Variants in HCN1 observed in about 807,000 individuals in gnomAD.
The protein encoded by HCN1 is hyperpolarization activated cyclic nucleotide gated potassium channel 1.
In HCN1, 13 loss-of-function variants were observed where a neutral mutation model predicts 78.9. The ratio of observed to expected loss-of-function variants is 0.16; its 90% CI spans 0.11 to 0.26. The LOEUF (loss-of-function observed/expected upper bound fraction) is 0.26, where lower values mean the gene tolerates loss of function less well. HCN1 is among the 10% of genes least tolerant of loss of function. The probability of loss-of-function intolerance (pLI) is 1.00; values close to 1 mark genes in which losing one functional copy is unlikely to be tolerated. For missense variants in HCN1, 810 were observed against 1,154.3 expected (o/e 0.70, Z 4.32); for synonymous variants, 552 against 455.5 (o/e 1.21, Z -2.70).
intron 4 of HCN1, among the ~76,000 whole-genome samples, chr5:45,355,679 G>A (rs1206459071): frequency 6.6e-6 from 1 of 151,906 alleles, no homozygotes; most frequent in Non-Finnish European, 1.5e-5. Context: ...CACTAAGGGA[G>A]GATGTGTCAA....
At chr5:45,492,392 A>AATATATAC (rs1554028354) in intron 2 of HCN1, among the ~76,000 whole-genome samples, 1 of 121,394 alleles carries the variant, frequency 8.2e-6, no homozygotes, top group African/African-American at 3.2e-5. Flanking sequence ...TCTTTAAATG[A>AATATATAC]ATATATATAT....
At chr5:45,586,190 G>A (rs2111934128) in intron 2 of HCN1, among the ~76,000 whole-genome samples, 1 of 152,266 alleles carries the variant, frequency 6.6e-6, no homozygotes. Context: ...GAGCTTCCTG[G>A]CCACTTTGTT....
intron 2 of HCN1, among the ~76,000 whole-genome samples, chr5:45,591,610 A>G (rs78800224): frequency 0.077 from 11,705 of 152,228 alleles, 592 homozygotes; most frequent in Middle Eastern, 0.15. Context: ...CCATTTTTAA[A>G]ATCAGATTAA....
intron 2 of HCN1, among the ~76,000 whole-genome samples, chr5:45,614,887 A>C (rs1744911725): frequency 6.6e-6 from 1 of 151,996 alleles, no homozygotes; most frequent in South Asian, 2.1e-4. Flanking sequence ...TTGAAATTCA[A>C]ATTTGGAAAT....
chr5:45,310,616 A>G (rs898136790), intron 5 of HCN1, among the ~76,000 whole-genome samples: 2 of 152,176 alleles, frequency 1.3e-5, no homozygotes, highest in Non-Finnish European at 2.9e-5. Context: ...GTGATTCCTT[A>G]AAGACCTAGA....
intron 2 of HCN1, among the ~76,000 whole-genome samples, chr5:45,574,429 C>A (rs1325533708): frequency 6.6e-6 from 1 of 152,068 alleles, no homozygotes; most frequent in African/African-American, 2.4e-5. Flanking sequence ...TGTAAGATGA[C>A]AAACTTCATC....
At chr5:45,656,723 A>G (rs1487839763) in intron 1 of HCN1, among the ~76,000 whole-genome samples, 1 of 152,204 alleles carries the variant, frequency 6.6e-6, no homozygotes, top group African/African-American at 2.4e-5. Flanking sequence ...ACAGCCAAGA[A>G]TGTGATCAAA....
intron 2 of HCN1, among the ~76,000 whole-genome samples, chr5:45,479,124 TAAAAAAA>T (rs1160851737): frequency 2.2e-5 from 3 of 137,120 alleles, no homozygotes; most frequent in African/African-American, 8.0e-5. Flanking sequence ...GAGACTGTTT[TAAAAAAA>T]AAAAAAAAAG....
intron 2 of HCN1, among the ~76,000 whole-genome samples, chr5:45,520,191 T>C (rs1421401225): frequency 6.6e-6 from 1 of 152,038 alleles, no homozygotes; most frequent in African/African-American, 2.4e-5. Context: ...GAGTAATCTT[T>C]ATTGAACATT....
At chr5:45,627,927 T>C (rs1386600446) in intron 2 of HCN1, among the ~76,000 whole-genome samples, 1 of 152,162 alleles carries the variant, frequency 6.6e-6, no homozygotes, top group African/African-American at 2.4e-5. Flanking sequence ...ACAACCAAAG[T>C]GTCAACAATA....
At chr5:45,298,957 G>A (rs1407133746) in intron 6 of HCN1, among the ~76,000 whole-genome samples, 2 of 151,950 alleles carry the variant, frequency 1.3e-5, no homozygotes, top group Non-Finnish European at 2.9e-5. Flanking sequence ...TTTAAGTCTC[G>A]TTTTTCTTCC....
intron 2 of HCN1, among the ~76,000 whole-genome samples, chr5:45,516,646 A>T (rs931820338): frequency 5.3e-5 from 8 of 151,944 alleles, no homozygotes; most frequent in African/African-American, 1.9e-4. Flanking sequence ...TGTCAACTCC[A>T]GGATTAACTG....
chr5:45,326,799 T>A (rs1297580981), intron 5 of HCN1, among the ~76,000 whole-genome samples: 1 of 151,620 alleles, frequency 6.6e-6, no homozygotes, highest in Non-Finnish European at 1.5e-5. Flanking sequence ...ACATAGAAAC[T>A]TTACAATACA....
At chr5:45,348,834 A>G (rs1746813573) in intron 5 of HCN1, among the ~76,000 whole-genome samples, 1 of 152,218 alleles carries the variant, frequency 6.6e-6, no homozygotes, top group Non-Finnish European at 1.5e-5. Context: ...TATCCTAAAT[A>G]TATATGCATC....
chr5:45,460,287 G>A (rs929569300), intron 3 of HCN1, among the ~76,000 whole-genome samples: 2 of 152,092 alleles, frequency 1.3e-5, no homozygotes, highest in African/African-American at 4.8e-5. Context: ...TCCACCTTCT[G>A]CCATGTGAGG....
rs964918214 is a variant in HCN1 at position 45,260,908 on chromosome 5, G to C, written c.*1013C>G. On this transcript the variant is annotated 3_prime_UTR_variant, in exon 8 of 8. Coordinates refer to ENST00000303230, the MANE Select transcript of HCN1 (RefSeq NM_021072.4). ...TGAACCTATTTTTTTTTCCCCAGAA[G>C]CATGCAGGGACTATTTTCAGATGCT... is the stretch of plus-strand genomic sequence containing the variant. 1 of 152,410 alleles carries C rather than the reference G, an allele frequency of 6.6e-6. No homozygotes were observed. The highest frequency in any genetic ancestry group is 2.4e-5 in the African/African-American group (1 of 41,392). 9.4% of individuals were successfully genotyped at this position (152,410 alleles called of 1,614,324 possible). A position where few individuals can be genotyped will look rare whatever the true frequency, so the allele number is the denominator to read the frequency against.
chr5:45,262,796 T>C lies in HCN1; in HGVS notation c.1798A>G (p.Ile600Val), dbSNP rs2111840202. The C allele has an allele frequency of 6.2e-7, 1 of 1,613,954 alleles. No individual in the cohort carries two copies. The highest frequency in any genetic ancestry group is 8.5e-7 in the Non-Finnish European group (1 of 1,180,042). ...TCCTTCTGGAACTTTTGCAGAAGAA[T>C]TGAATTTTTCTTTCCTGTCAGCAAA... is the stretch of plus-strand genomic sequence containing the variant. Reference protein sequence around the residue: ...RLDRIGKKNSILLQKFQKDLN... With the variant: ...RLDRIGKKNSVLLQKFQKDLN... The change falls in exon 8 of 8, where the codon ATT becomes GTT. Residue 600 changes from isoleucine to valine, a missense_variant. Ile to Val is a conservative substitution (Grantham distance 29, BLOSUM62 3). Transcript: ENST00000303230.
chr5:45,319,215 A>T (rs188634341), intron 5 of HCN1, among the ~76,000 whole-genome samples: 1 of 151,944 alleles, frequency 6.6e-6, no homozygotes, highest in Non-Finnish European at 1.5e-5. Context: ...TGTACACCAT[A>T]TATTGGAATT....
chr5:45,514,913 T>A (rs1480578341), intron 2 of HCN1, among the ~76,000 whole-genome samples: 2 of 152,082 alleles, frequency 1.3e-5, no homozygotes, highest in East Asian at 1.9e-4. Flanking sequence ...TTGAAATTTG[T>A]CTTCTGGAAA....
Sources: allele counts gnomAD v4.1 joint callset (sites outside exome capture counted in the v4.1 genomes callset), GRCh38; gene constraint gnomAD v4.1.1; transcripts MANE v1.5; gene names NCBI Gene and HGNC (gene_info 2026-07-23, HGNC 2026-07-21).